Variants in CARMIL1 observed in about 807,000 individuals in gnomAD.
CARMIL1 encodes capping protein regulator and myosin 1 linker 1.
CARMIL1 carries 90 observed loss-of-function variants against 177.1 expected under a neutral mutation model. The ratio of observed to expected loss-of-function variants is 0.51; its 90% CI spans 0.43 to 0.61. The LOEUF is 0.61. CARMIL1 is among the 20% of genes least tolerant of loss of function. The pLI, the probability that CARMIL1 is intolerant of heterozygous loss-of-function variation, is 0.00. For missense variants in CARMIL1, 1,380 were observed against 1,667.0 expected (o/e 0.83, Z 3.00); for synonymous variants, 577 against 606.2 (o/e 0.95, Z 0.71).
intron 11 of CARMIL1, among the ~76,000 whole-genome samples, chr6:25,481,549 G>A (rs1802121821): frequency 6.6e-6 from 1 of 152,186 alleles, no homozygotes; most frequent in African/African-American, 2.4e-5. Context: ...GAGGTCAGTT[G>A]AAGGACCTGT....
intron 3 of CARMIL1, among the ~76,000 whole-genome samples, chr6:25,421,496 C>T (rs1044770324): frequency 5.3e-5 from 8 of 152,140 alleles, no homozygotes; most frequent in African/African-American, 1.7e-4. Flanking sequence ...ACTAGAAATA[C>T]CATTTGACCC....
rs768367397 is a variant in CARMIL1 at position 25,594,415 on chromosome 6, G to C, written c.3007G>C (p.Val1003Leu). ...AACATTACATCTGTTTGTTTTGCAG[G>C]TCTGTGCTGCCAACATAGTCTCACA... ...NKKQQPTQAA[V>L]CAANIVSQDG... The change falls in exon 32 of 37, where the codon GTC (valine) becomes CTC (leucine). Residue 1003 changes from valine to leucine, a missense_variant and splice_region_variant. Transcript: ENST00000329474. 6 of 1,597,132 alleles carry C rather than the reference G, an allele frequency of 3.8e-6. No individual in the cohort carries two copies. Among genetic ancestry groups the C allele is most frequent in the South Asian group, 3.4e-5 (3 of 89,402 alleles).
rs1207943798 is a variant in CARMIL1, at chr6:25,509,267, CG to C, written c.1396-387del. Among the ~76,000 whole-genome samples the C allele has an allele frequency of 6.6e-6, 1 of 152,036 alleles. No homozygotes were observed. Among genetic ancestry groups the C allele is most frequent in the Admixed American group, 6.6e-5 (1 of 15,250 alleles). ...GGGTGGAGAGTTTACACCTTGGAAT[CG>C]GTAACAGTCAAATAAAACAGTAACT... On this transcript the variant is annotated intron_variant, in intron 17 of 36. Coordinates refer to ENST00000329474, the MANE Select transcript of CARMIL1 (RefSeq NM_017640.6). This position sits in a 1 kb window ranked among gnomAD's most constrained non-coding sequence, Gnocchi z 4.1.
intron 31 of CARMIL1, among the ~76,000 whole-genome samples, chr6:25,583,854 C>T (rs1313970237): frequency 1.3e-5 from 2 of 151,418 alleles, no homozygotes; most frequent in Middle Eastern, 3.2e-3. Flanking sequence ...CAACAACCCA[C>T]ACTTCAGGTT....
Position 25,556,764 on chromosome 6 carries a change from G to T in CARMIL1, c.2656G>T (p.Ala886Ser). Reference sequence around the variant, plus strand: ...ACAAGAATCCTTAGAGATCGAGCTGGCTGAGGAGAAGCCAGTTAAACGTTC... The same window carrying T: ...ACAAGAATCCTTAGAGATCGAGCTGTCTGAGGAGAAGCCAGTTAAACGTTC... ...PQQESLEIEL[A>S]EEKPVKRSII... Residue 886 changes from alanine to serine, a missense_variant, in exon 29 of 37, where the codon GCT (alanine) becomes TCT (serine). Coordinates refer to ENST00000329474, the MANE Select transcript of CARMIL1 (RefSeq NM_017640.6). 2 of 1,613,650 alleles carry T rather than the reference G, an allele frequency of 1.2e-6. No individual in the cohort carries two copies. The highest frequency in any genetic ancestry group is 1.7e-6 in the Non-Finnish European group (2 of 1,179,716).
At chr6:25,308,218 A>G (rs554942762) in intron 2 of CARMIL1, among the ~76,000 whole-genome samples, 4 of 152,176 alleles carry the variant, frequency 2.6e-5, no homozygotes, top group Non-Finnish European at 5.9e-5. Flanking sequence ...CTTTCTGTGC[A>G]GGAATTAAGC....
chr6:25,529,402 C>G (rs995945447), intron 24 of CARMIL1, among the ~76,000 whole-genome samples: 2 of 152,176 alleles, frequency 1.3e-5, no homozygotes, highest in Admixed American at 1.3e-4. Flanking sequence ...TTCCTCTTCT[C>G]TCTACCCAGC....
chr6:25,572,921 T>C (rs1812235361), intron 29 of CARMIL1, among the ~76,000 whole-genome samples: 1 of 152,190 alleles, frequency 6.6e-6, no homozygotes, highest in Non-Finnish European at 1.5e-5. Flanking sequence ...TGGTTGGTAC[T>C]AGTAATATTT....
intron 5 of CARMIL1, among the ~76,000 whole-genome samples, chr6:25,441,506 A>G (rs1797786688): frequency 6.6e-6 from 1 of 151,786 alleles, no homozygotes; most frequent in Non-Finnish European, 1.5e-5. Flanking sequence ...CTCCAAATAT[A>G]TGTTAGGATA....
At chr6:25,465,648 C>A in intron 8 of CARMIL1, 1 of 489,678 alleles carries the variant, frequency 2.0e-6, no homozygotes, top group Non-Finnish European at 3.6e-6. Flanking sequence ...CAACCTCTTT[C>A]CTTTGGAAGT....
intron 2 of CARMIL1, among the ~76,000 whole-genome samples, chr6:25,344,714 A>C (rs1787314232): frequency 6.6e-6 from 1 of 151,998 alleles, no homozygotes; most frequent in Non-Finnish European, 1.5e-5. Flanking sequence ...AAACCCCAGA[A>C]ATAATCAGTA....
intron 3 of CARMIL1, among the ~76,000 whole-genome samples, chr6:25,422,393 A>G (rs1199672604): frequency 6.6e-6 from 1 of 152,108 alleles, no homozygotes; most frequent in Non-Finnish European, 1.5e-5. Context: ...CAGTCTCATG[A>G]TTTGCACTGA....
At chr6:25,594,813 C>T (rs957930106) in intron 32 of CARMIL1, among the ~76,000 whole-genome samples, 1 of 152,128 alleles carries the variant, frequency 6.6e-6, no homozygotes, top group Non-Finnish European at 1.5e-5. Flanking sequence ...GAGGCATGCT[C>T]CAGTTTGAGA....
chr6:25,431,360 C>G (rs940360116), intron 4 of CARMIL1, among the ~76,000 whole-genome samples: 2 of 152,016 alleles, frequency 1.3e-5, no homozygotes, highest in Non-Finnish European at 2.9e-5. Context: ...TTTGAGATTT[C>G]ATACAAACTC....
intron 9 of CARMIL1, 127 bp from the exon 10 acceptor site, chr6:25,471,042 C>A: frequency 1.8e-6 from 1 of 549,532 alleles, no homozygotes; most frequent in Non-Finnish European, 3.2e-6. Flanking sequence ...GTAGTAGATG[C>A]TCATTCAAGG....
At chr6:25,419,107 T>TG (rs924391238) in intron 2 of CARMIL1, among the ~76,000 whole-genome samples, 5 of 152,204 alleles carry the variant, frequency 3.3e-5, no homozygotes, top group African/African-American at 1.2e-4. Flanking sequence ...GGGTTGTGTC[T>TG]GGGTAAAGCT....
chr6:25,465,974 G>A (rs191518286), intron 9 of CARMIL1, 26 bp downstream of exon 9: 5 of 1,542,614 alleles, frequency 3.2e-6, no homozygotes, highest in African/African-American at 2.7e-5. Flanking sequence ...TGCAGCAAAT[G>A]TTGCTTGGCT....
intron 11 of CARMIL1, among the ~76,000 whole-genome samples, chr6:25,477,277 G>A (rs1801665333): frequency 6.6e-6 from 1 of 152,090 alleles, no homozygotes; most frequent in Non-Finnish European, 1.5e-5. Flanking sequence ...TGTTGATGCA[G>A]CAAATCTCTG....
Position 25,326,375 on chromosome 6 carries a change from T to A in CARMIL1, c.138+41466T>A, listed in dbSNP as rs957212556. On this transcript the variant is annotated intron_variant, in intron 2 of 36. Coordinates refer to ENST00000329474, the MANE Select transcript of CARMIL1 (RefSeq NM_017640.6). The surrounding 1 kb of genome is among the most constrained non-coding windows in gnomAD (Gnocchi z 4.2). ...CCAAGAAGTCATGCTGGATTACATATACTGGTCAGTAAGGAGCTTGGATTT... is the reference window on the plus strand; with the variant it reads ...CCAAGAAGTCATGCTGGATTACATAAACTGGTCAGTAAGGAGCTTGGATTT... Among the ~76,000 whole-genome samples the A allele has an allele frequency of 6.6e-6, 1 of 152,194 alleles. No individual in the cohort carries two copies. Among genetic ancestry groups the A allele is most frequent in the Admixed American group, 6.5e-5 (1 of 15,278 alleles).
Sources: gnomAD v4.1 joint callset for allele counts (sites outside exome capture counted in the v4.1 genomes callset) on GRCh38, gnomAD v4.1.1 for gene constraint, Gnocchi (gnomAD v3.1) non-coding constraint, MANE v1.5 for transcripts, NCBI Gene and HGNC (gene_info 2026-07-23, HGNC 2026-07-21) for gene names.